The following SKI variants were observed in gnomAD, a reference collection of about 807,000 sequenced individuals.
SKI encodes SKI proto-oncogene, also known as ski oncogene.
Under a neutral mutation model 59.3 loss-of-function variants are expected in SKI, and 23 were observed. The observed-to-expected ratio is 0.39, with a 90% CI of 0.28 to 0.55. The LOEUF is 0.55. Ranked by LOEUF, SKI falls within the 20% of genes least tolerant of loss-of-function variation. The pLI is 0.67. For missense variants in SKI, 1,017 were observed against 1,038.9 expected (o/e 0.98, Z 0.29); for synonymous variants, 673 against 488.6 (o/e 1.38, Z -4.98).
At chr1:2,301,210 C>T (rs930769994) in intron 1 of SKI, among the ~76,000 whole-genome samples, 9 of 152,204 alleles carry the variant, frequency 5.9e-5, no homozygotes, top group African/African-American at 1.7e-4. Context: ...GGATGGCACC[C>T]GCCCCTGCCA....
At chr1:2,233,186 G>C (rs768919085) in intron 1 of SKI, among the ~76,000 whole-genome samples, 1 of 151,036 alleles carries the variant, frequency 6.6e-6, no homozygotes, top group Admixed American at 6.6e-5. Flanking sequence ...TGCTCCAAGG[G>C]GGGGTCCTGC....
intron 1 of SKI, among the ~76,000 whole-genome samples, chr1:2,284,687 G>A (rs1487824967): frequency 2.0e-5 from 3 of 152,298 alleles, no homozygotes; most frequent in East Asian, 3.9e-4. Flanking sequence ...GCCCCACACC[G>A]GCCTATGAGC....
rs1385139979 is a variant in SKI, at chr1:2,230,994, C to T, written c.969+1259C>T. On this transcript the variant is annotated intron_variant, in intron 1 of 6. Transcript: ENST00000378536. ...GTGTGCATGTGTGTGTTTGTGTGTG[C>T]GCGCTTCTGACCCTGCCAGGCCAGG... Among the ~76,000 whole-genome samples, 7 of 152,018 alleles carry T rather than the reference C, an allele frequency of 4.6e-5. No individual in the cohort carries two copies. In the East Asian group the frequency reaches 5.8e-4, roughly 13 times the overall value.
chr1:2,276,094 C>T (rs907659082), intron 1 of SKI, among the ~76,000 whole-genome samples: 1 of 152,178 alleles, frequency 6.6e-6, no homozygotes, highest in Non-Finnish European at 1.5e-5. Context: ...CTGGTTGCTC[C>T]GATAGGGAGA....
chr1:2,229,313 G>A lies in SKI; in HGVS notation c.547G>A (p.Glu183Lys), dbSNP rs1290478159. 6.3e-7 allele frequency: 1 copy of A among 1,595,734 alleles called. No homozygotes were observed. Among genetic ancestry groups the A allele is most frequent in the Non-Finnish European group, 8.5e-7 (1 of 1,172,048 alleles). ...CGGGCTCATCACCAAGACGGACGCC[G>A]AGCGCCTGTGCAACGCGCTGCTCTA... ...SCGLITKTDA[E>K]RLCNALLYGG... The change falls in exon 1 of 7, where the codon GAG becomes AAG. Residue 183 changes from glutamate (E) to lysine (K), a missense_variant. Coordinates refer to ENST00000378536, the MANE Select transcript of SKI (RefSeq NM_003036.4). This position sits in a 1 kb window ranked among gnomAD's most constrained non-coding sequence, Gnocchi z 6.3.
At chr1:2,242,760 T>C (rs1638906511) in intron 1 of SKI, among the ~76,000 whole-genome samples, 1 of 152,208 alleles carries the variant, frequency 6.6e-6, no homozygotes, top group Non-Finnish European at 1.5e-5. Flanking sequence ...GCTCAAGTGA[T>C]CCTCCTGCCT....
intron 1 of SKI, among the ~76,000 whole-genome samples, chr1:2,245,784 CCTT>C (rs1638980726): frequency 2.8e-5 from 3 of 107,842 alleles, no homozygotes; most frequent in Non-Finnish European, 3.7e-5. Flanking sequence ...CCCTATTTTT[CCTT>C]CTTTTTTTTT....
chr1:2,241,965 GTGTGTGCC>G lies in SKI; in HGVS notation c.969+12237_969+12244del, dbSNP rs1351951322. Among the ~76,000 whole-genome samples, 22 of 152,054 alleles carry G rather than the reference GTGTGTGCC, an allele frequency of 1.4e-4. 1 individual carries two copies. Among genetic ancestry groups the G allele is most frequent in the Admixed American group, 2.0e-4 (3 of 15,272 alleles). ...CATGCCTGTCTGTGTGTGTGTGTGT[GTGTGTGCC>G]TGTGTGTGCCTGTGTGTACGTGTGT... is the stretch of plus-strand genomic sequence containing the variant. On this transcript the variant is annotated intron_variant, in intron 1 of 6. Transcript: ENST00000378536.
chr1:2,297,033 A>AG (rs1410139263), intron 1 of SKI, among the ~76,000 whole-genome samples: 3 of 151,980 alleles, frequency 2.0e-5, no homozygotes, highest in African/African-American at 7.2e-5. Flanking sequence ...TGGAGGTGCC[A>AG]GGCACCCGCA....
At chr1:2,234,389 G>T (rs558254750) in intron 1 of SKI, among the ~76,000 whole-genome samples, 1 of 152,162 alleles carries the variant, frequency 6.6e-6, no homozygotes. Context: ...GGGTCACGGT[G>T]GGGGGGCTAG....
chr1:2,292,519 C>T (rs1640183462), intron 1 of SKI, among the ~76,000 whole-genome samples: 2 of 152,310 alleles, frequency 1.3e-5, no homozygotes, highest in African/African-American at 4.8e-5. Flanking sequence ...CTCCTCCTTC[C>T]TAGCTGTGTA....
intron 1 of SKI, among the ~76,000 whole-genome samples, chr1:2,285,625 C>T (rs1202952994): frequency 3.3e-5 from 5 of 150,208 alleles, no homozygotes; most frequent in African/African-American, 4.9e-5. Flanking sequence ...AGTGCAGTGG[C>T]GTGATCTCAG....
intron 1 of SKI, among the ~76,000 whole-genome samples, chr1:2,272,838 C>T (rs527826314): frequency 2.4e-4 from 37 of 152,090 alleles, no homozygotes; most frequent in Non-Finnish European, 4.6e-4. Context: ...GAGCCTCCCC[C>T]TCCCACGCCC....
chr1:2,308,547 G>A lies in SKI; in HGVS notation c.*1782G>A, dbSNP rs1166439929. On this transcript the variant is annotated 3_prime_UTR_variant, in exon 7 of 7. Coordinates refer to ENST00000378536, the MANE Select transcript of SKI (RefSeq NM_003036.4). ...GCATTATTACCGTGTCTTGTAAAGG[G>A]TCGGTTTTGTTATGCAACATGCAGA... 6.6e-6 allele frequency: 1 copy of A among 152,166 alleles called. No homozygotes were observed. The highest frequency in any genetic ancestry group is 1.5e-5 in the Non-Finnish European group (1 of 68,030). The allele number at this position is 152,166 out of a possible 1,614,324, so 9.4% of individuals were successfully genotyped here.
intron 1 of SKI, among the ~76,000 whole-genome samples, chr1:2,254,670 A>T (rs1220122847): frequency 1.3e-5 from 2 of 152,172 alleles, no homozygotes; most frequent in African/African-American, 4.8e-5. Flanking sequence ...TAGGAGCCGA[A>T]TTGGAGTCTT....
At position 2,308,410 on chromosome 1, in the gene SKI, G is replaced by A. The variant is rs1438496876; in HGVS notation, c.*1645G>A. ...CCCCTTCTAAAGTGCAATGCAAAAGGGACATCATGTATATGCAGCGTTTGT... is the reference window on the plus strand; with the variant it reads ...CCCCTTCTAAAGTGCAATGCAAAAGAGACATCATGTATATGCAGCGTTTGT... On this transcript the variant is annotated 3_prime_UTR_variant, in exon 7 of 7. Transcript: ENST00000378536. The A allele has an allele frequency of 6.6e-6, 1 of 152,176 alleles. No individual in the cohort carries two copies. Among genetic ancestry groups the A allele is most frequent in the Non-Finnish European group, 1.5e-5 (1 of 68,042 alleles). 9.4% of individuals were successfully genotyped at this position (152,176 alleles called of 1,614,324 possible). A position where few individuals can be genotyped will look rare whatever the true frequency, so the allele number is the denominator to read the frequency against.
intron 6 of SKI, 75 bp downstream of exon 6, chr1:2,306,325 CCCAG>C: frequency 7.4e-7 from 1 of 1,354,274 alleles, no homozygotes; most frequent in South Asian, 1.5e-5. Flanking sequence ...GCCAGTCCTG[CCCAG>C]CCGGAAAGGC....
chr1:2,231,098 T>C (rs1240643092), intron 1 of SKI, among the ~76,000 whole-genome samples: 1 of 152,170 alleles, frequency 6.6e-6, no homozygotes, highest in Non-Finnish European at 1.5e-5. Flanking sequence ...CGTAGCAGGC[T>C]GGGGCCCTTC....
chr1:2,305,158 C>T lies in SKI; in HGVS notation c.1767+573C>T, dbSNP rs1000372957. On this transcript the variant is annotated intron_variant, in intron 5 of 6. Coordinates refer to ENST00000378536, the MANE Select transcript of SKI (RefSeq NM_003036.4). ...AGACACACACACACCCACCTGCACACGCTGCTTCTCTGGGCTCTGCCTCAC... is the reference window on the plus strand; with the variant it reads ...AGACACACACACACCCACCTGCACATGCTGCTTCTCTGGGCTCTGCCTCAC... Among the ~76,000 whole-genome samples the T allele has an allele frequency of 3.9e-5, 6 of 152,366 alleles. No homozygotes were observed. In the South Asian group the frequency reaches 8.3e-4, roughly 21 times the overall value.
Sources: allele counts gnomAD v4.1 joint callset (sites outside exome capture counted in the v4.1 genomes callset), GRCh38; gene constraint gnomAD v4.1.1; non-coding constraint Gnocchi (gnomAD v3.1); transcripts MANE v1.5; gene names NCBI Gene and HGNC (gene_info 2026-07-23, HGNC 2026-07-21).